CALD1: variants seen among roughly 807,000 people sequenced by gnomAD.
CALD1 encodes the protein caldesmon 1, also known as caldesmon.
A neutral mutation model predicts 99.9 loss-of-function variants in CALD1; 33 were observed. That is an observed-to-expected ratio of 0.33 (90% CI 0.25 to 0.44). CALD1 has a LOEUF of 0.44. Ranked by LOEUF, CALD1 falls within the 20% of genes least tolerant of loss-of-function variation. CALD1 has a pLI of 1.00. For missense variants in CALD1, 861 were observed against 962.1 expected, an observed-to-expected ratio of 0.89 and a Z score of 1.39; for synonymous variants, 310 against 325.0, an observed-to-expected ratio of 0.95 and a Z score of 0.50.
Position 134,848,980 on chromosome 7 carries a change from G to T in CALD1, c.-42+5009G>T, listed in dbSNP as rs78890174. 5.8e-3 allele frequency among the ~76,000 whole-genome samples: 884 copies of T among 152,200 alleles called. 9 individuals carry two copies. Among genetic ancestry groups the T allele is most frequent in the Non-Finnish European group, 9.1e-3 (619 of 68,014 alleles). On this transcript the variant is annotated intron_variant, in intron 2 of 14. Coordinates refer to ENST00000361675, the MANE Select transcript of CALD1 (RefSeq NM_033138.4). ...CTTCTCCATCTCACGTGCCATATTA[G>T]TTCTGTGTTACATTTGCAATTCTAG... is the stretch of plus-strand genomic sequence containing the variant.
rs765589889 is a variant in CALD1, at chr7:134,933,717, G to T, written c.948G>T (p.Arg316Ser). 3 of 1,566,194 alleles carry T rather than the reference G, an allele frequency of 1.9e-6. No individual in the cohort carries two copies. The African/African-American group carries it at 4.1e-5, about 21-fold the overall frequency. ...GGAGAGAGGCAGAAGAGAGGGAAAG[G>T]ATGAGGGAGGAAGAGAAAAGGGCAG... ...RERREAEERE[R>S]MREEEKRAAE... is the part of the protein sequence containing the mutation. The change falls in exon 5 of 15, where the codon AGG (arginine) becomes AGT (serine). Residue 316 changes from arginine (R) to serine (S), a missense_variant. Arg to Ser is a moderately radical substitution (Grantham distance 110). This residue lies in a region of CALD1 where 234 missense variants were observed against 233.1 expected (regional missense o/e 1.00). Coordinates refer to ENST00000361675, the MANE Select transcript of CALD1 (RefSeq NM_033138.4).
chr7:134,831,791 T>C (rs1213320967), intron 1 of CALD1, among the ~76,000 whole-genome samples: 1 of 151,968 alleles, frequency 6.6e-6, no homozygotes, highest in Non-Finnish European at 1.5e-5. Context: ...TCTGTAGGGG[T>C]CCACAGCAAC....
chr7:134,931,419 T>G (rs1805514166), intron 4 of CALD1, among the ~76,000 whole-genome samples: 2 of 152,202 alleles, frequency 1.3e-5, no homozygotes, highest in Non-Finnish European at 2.9e-5. Flanking sequence ...GTAGGGACAT[T>G]TAATCCTTAT....
At chr7:134,780,560 A>C (rs1055583569) in intron 1 of CALD1, among the ~76,000 whole-genome samples, 1 of 152,154 alleles carries the variant, frequency 6.6e-6, no homozygotes, top group African/African-American at 2.4e-5. Context: ...TGTGTTTCAG[A>C]AAGGAAGGAG....
At chr7:134,748,609 G>C (rs1340813858) in intron 1 of CALD1, among the ~76,000 whole-genome samples, 1 of 152,128 alleles carries the variant, frequency 6.6e-6, no homozygotes, top group Non-Finnish European at 1.5e-5. Flanking sequence ...TACTGAGGAG[G>C]CTGAGGCAGG....
chr7:134,726,537 G>A, the CALD1 span, among the ~76,000 whole-genome samples: 1 of 143,996 alleles, frequency 6.9e-6, no homozygotes, highest in African/African-American at 2.6e-5. Flanking sequence ...TATATATAAA[G>A]ATCAGGACAC....
chr7:134,738,223 A>C, the CALD1 span, among the ~76,000 whole-genome samples: 14 of 152,176 alleles, frequency 9.2e-5, no homozygotes, highest in Admixed American at 7.9e-4. Context: ...TTCTGCGGGA[A>C]ATGGAGAATC....
chr7:134,912,990 C>G (rs1377075340), intron 3 of CALD1, among the ~76,000 whole-genome samples: 2 of 152,088 alleles, frequency 1.3e-5, no homozygotes, highest in Non-Finnish European at 2.9e-5. Context: ...CGGGGCTGAG[C>G]GTGGTGGCTC....
chr7:134,845,534 G>A (rs1225238361), intron 2 of CALD1, among the ~76,000 whole-genome samples: 1 of 152,202 alleles, frequency 6.6e-6, no homozygotes, highest in Non-Finnish European at 1.5e-5. Context: ...CCCCAGTTAA[G>A]GTGGCCTTTC....
rs191413493 is a variant in CALD1 at position 134,929,687 on chromosome 7, C to A, written c.218+787C>A. On this transcript the variant is annotated intron_variant, in intron 4 of 14. Coordinates refer to ENST00000361675, the MANE Select transcript of CALD1 (RefSeq NM_033138.4). ...ATATATATACACCACATTTTCTTTACCCACTGCTTGGTTGATGGGCATTTA... is the reference window on the plus strand; with the variant it reads ...ATATATATACACCACATTTTCTTTAACCACTGCTTGGTTGATGGGCATTTA... Among the ~76,000 whole-genome samples, 4 of 27,356 alleles carry A rather than the reference C, an allele frequency of 1.5e-4. No individual in the cohort carries two copies. In the East Asian group the frequency reaches 6.1e-3, roughly 42 times the overall value. The allele number at this position is 27,356 out of a possible 152,430, so 17.9% of individuals were successfully genotyped here.
At chr7:134,787,437 G>A (rs1004968848) in intron 1 of CALD1, among the ~76,000 whole-genome samples, 10 of 152,064 alleles carry the variant, frequency 6.6e-5, no homozygotes, top group Admixed American at 2.0e-4. Flanking sequence ...CAGATATTTC[G>A]CTTCCTAGGA....
In CALD1 at chr7:134,794,582, G is replaced by A. The variant is rs1225836642; in HGVS notation, c.-130+14833G>A. Among the ~76,000 whole-genome samples, 3 of 152,148 alleles carry A rather than the reference G, an allele frequency of 2.0e-5. No homozygotes were observed. The East Asian group carries it at 5.8e-4, about 29-fold the overall frequency. ...GCTCACTACAACCTCCACTTCTCGG[G>A]TTCAAGTGATTCTCCTGCCTCAGCC... On this transcript the variant is annotated intron_variant, in intron 1 of 14. Coordinates refer to ENST00000361675, the MANE Select transcript of CALD1 (RefSeq NM_033138.4).
At chr7:134,803,696 A>AT (rs3062411) in intron 1 of CALD1, among the ~76,000 whole-genome samples, 4 of 123,018 alleles carry the variant, frequency 3.3e-5, no homozygotes, top group African/African-American at 1.2e-4. Flanking sequence ...TGTGGGTCTA[A>AT]TTTTTTTTTT....
chr7:134,876,598 C>G (rs1020756145), intron 3 of CALD1, among the ~76,000 whole-genome samples: 1 of 152,146 alleles, frequency 6.6e-6, no homozygotes, highest in African/African-American at 2.4e-5. Flanking sequence ...AACTGGGAAT[C>G]AAAGTTTGGC....
At chr7:134,924,261 G>A (rs745488053) in intron 3 of CALD1, among the ~76,000 whole-genome samples, 10 of 152,074 alleles carry the variant, frequency 6.6e-5, no homozygotes, top group East Asian at 3.9e-4. Flanking sequence ...CATGATTCTC[G>A]GGAGTGGCTT....
intron 1 of CALD1, among the ~76,000 whole-genome samples, chr7:134,821,614 G>A (rs12671231): frequency 0.26 from 25,739 of 100,144 alleles, 3,850 homozygotes; most frequent in East Asian, 0.55. Context: ...ACAGAGTCTC[G>A]CTCCGTCACC....
intron 1 of CALD1, among the ~76,000 whole-genome samples, chr7:134,823,129 A>G (rs79707795): frequency 0.019 from 2,927 of 152,292 alleles, 88 homozygotes; most frequent in African/African-American, 0.067. Context: ...ATGTACGTAC[A>G]TATCATCTCA....
intron 9 of CALD1, among the ~76,000 whole-genome samples, chr7:134,951,044 C>T (rs2133158920): frequency 6.6e-6 from 1 of 152,330 alleles, no homozygotes; most frequent in Middle Eastern, 3.4e-3. Flanking sequence ...GCCTATTCCT[C>T]ATAGGTGGCA....
At chr7:134,745,573 G>A (rs1796628719) in intron 1 of CALD1, 1 of 152,162 alleles carries the variant, frequency 6.6e-6, no homozygotes, top group Non-Finnish European at 1.5e-5. Flanking sequence ...TGAACAAAAG[G>A]TAACTATTTT....
Sources: allele counts gnomAD v4.1 joint callset (sites outside exome capture counted in the v4.1 genomes callset), GRCh38; gene constraint gnomAD v4.1.1; regional missense constraint gnomAD v4.1.1; transcripts MANE v1.5; gene names NCBI Gene and HGNC (gene_info 2026-07-23, HGNC 2026-07-21).